Variants in SLC25A16 observed in about 807,000 individuals in gnomAD.
The protein encoded by SLC25A16 is solute carrier family 25 member 16.
A neutral mutation model predicts 41.5 loss-of-function variants in SLC25A16; 39 were observed. The observed-to-expected ratio is 0.94, with a 90% CI of 0.73 to 1.23. The LOEUF is 1.23. Ranked by LOEUF, SLC25A16 falls within the 50% of genes most tolerant of loss-of-function variation. SLC25A16 has a pLI of 0.00. For synonymous variants in SLC25A16, 146 were observed against 147.8 expected, an observed-to-expected ratio of 0.99 and a Z score of 0.09; for missense variants, 421 against 426.9, an observed-to-expected ratio of 0.99 and a Z score of 0.12.
chr10:68,509,943 G>A (rs1359156277), intron 2 of SLC25A16, among the ~76,000 whole-genome samples: 1 of 151,618 alleles, frequency 6.6e-6, no homozygotes, highest in Non-Finnish European at 1.5e-5. Context: ...CCAGCATGGT[G>A]GCACATGCCC....
rs778016486 is a variant in SLC25A16, at chr10:68,506,639, A to C, written c.303T>G (p.Ile101Met). The change falls in exon 3 of 9, where the codon ATT becomes ATG. Residue 101 changes from isoleucine to methionine, a missense_variant. Coordinates refer to ENST00000609923, the MANE Select transcript of SLC25A16 (RefSeq NM_152707.4). ...GGATTGCACCATAGGGAAAGATTCG[A>C]ATCATCATTGCACCATTTCCTTTAT... ...GLYKGNGAMM[I>M]RIFPYGAIQF... is the part of the protein sequence containing the mutation. 2 of 1,605,246 alleles carry C rather than the reference A, an allele frequency of 1.2e-6. No homozygotes were observed. The highest frequency in any genetic ancestry group is 1.7e-6 in the Non-Finnish European group (2 of 1,175,186).
chr10:68,526,179 T>A (rs541978280), intron 1 of SLC25A16, among the ~76,000 whole-genome samples: 1 of 151,330 alleles, frequency 6.6e-6, no homozygotes, highest in African/African-American at 2.4e-5. Flanking sequence ...TGCCTGTCCC[T>A]GGGCAATGGA....
At chr10:68,517,257 C>T (rs2053175665) in intron 1 of SLC25A16, 2 of 987,356 alleles carry the variant, frequency 2.0e-6, no homozygotes, top group Non-Finnish European at 2.4e-6. Context: ...GAAGTAAACT[C>T]CTCTTCTTCT....
intron 1 of SLC25A16, among the ~76,000 whole-genome samples, chr10:68,521,979 A>C (rs537272992): frequency 2.7e-4 from 41 of 151,522 alleles, no homozygotes; most frequent in African/African-American, 9.2e-4. Context: ...TGGCCAACAT[A>C]GTGAAACCCG....
intron 1 of SLC25A16, among the ~76,000 whole-genome samples, chr10:68,525,498 G>C (rs1399515501): frequency 6.6e-6 from 1 of 152,106 alleles, no homozygotes; most frequent in Non-Finnish European, 1.5e-5. Flanking sequence ...CTGTAGCTCA[G>C]GCTGGAGGGT....
Position 68,488,558 on chromosome 10 carries a change from G to T in SLC25A16, c.682C>A (p.Pro228Thr), listed in dbSNP as rs750654199. 2 of 1,603,360 alleles carry T rather than the reference G, an allele frequency of 1.2e-6. No homozygotes were observed. The highest frequency in any genetic ancestry group is 1.8e-5 in the Admixed American group (1 of 56,238). ...AAGACATTAGGATTGTCTGATGAAG[G>T]TCTGCCAAGAAGGGTAGGAGCATGG... ...LSHAPTLLGRPSSDNPNVLVL... is the reference protein window; with the variant it reads ...LSHAPTLLGRTSSDNPNVLVL... The change falls in exon 7 of 9, where the codon CCT becomes ACT. Residue 228 changes from proline to threonine, a missense_variant. Physicochemically the swap from Pro to Thr is conservative, Grantham distance 38 (BLOSUM62 -1). Transcript: ENST00000609923.
intron 1 of SLC25A16, among the ~76,000 whole-genome samples, chr10:68,519,243 C>A (rs2053211766): frequency 6.6e-6 from 1 of 151,880 alleles, no homozygotes. Flanking sequence ...AATCCCAGCA[C>A]TTTGGGAGGC....
chr10:68,480,521 G>A lies in SLC25A16; in HGVS notation c.*2911C>T, dbSNP rs1440115598. On this transcript the variant is annotated 3_prime_UTR_variant, in exon 9 of 9. Coordinates refer to ENST00000609923, the MANE Select transcript of SLC25A16 (RefSeq NM_152707.4). ...TTTTTTTTTTTTTTTTTTTGAGATG[G>A]AGTCTTGCTCTGTCGCCCAGGTTAG... is the stretch of plus-strand genomic sequence containing the variant. 3.9e-4 allele frequency: 51 copies of A among 130,036 alleles called. No homozygotes were observed. Among genetic ancestry groups the A allele is most frequent in the African/African-American group, 1.5e-3 (51 of 33,034 alleles). 8.1% of individuals were successfully genotyped at this position (130,036 alleles called of 1,614,324 possible). A position where few individuals can be genotyped will look rare whatever the true frequency, so the allele number is the denominator to read the frequency against.
In SLC25A16 at chr10:68,518,020, A is replaced by G. The variant is rs560411563; in HGVS notation, c.131-1177T>C. 4 of 152,284 alleles carry G rather than the reference A, an allele frequency of 2.6e-5. No individual in the cohort carries two copies. In the South Asian group the frequency reaches 8.3e-4, roughly 32 times the overall value. 9.4% of individuals were successfully genotyped at this position (152,284 alleles called of 1,614,324 possible). A position where few individuals can be genotyped will look rare whatever the true frequency, so the allele number is the denominator to read the frequency against. ...CATGGTGGTGTGCCTCAGTACTCAG[A>G]GACTAAGGCTGGAGGATGACGTGAG... is the stretch of plus-strand genomic sequence containing the variant. On this transcript the variant is annotated intron_variant, in intron 1 of 8. Transcript: ENST00000609923.
At position 68,527,481 on chromosome 10, in the gene SLC25A16, G is replaced by C. The variant is rs1039199014; in HGVS notation, c.-106C>G. ...AGGAGGCTGACCGCCCCGCCGGCGG[G>C]GCAAAGTAACACCCGGCGGCGCGGC... is the stretch of plus-strand genomic sequence containing the variant. On this transcript the variant is annotated 5_prime_UTR_variant, in exon 1 of 9. Transcript: ENST00000609923. 5.1e-6 allele frequency: 6 copies of C among 1,180,898 alleles called. No homozygotes were observed. The highest frequency in any genetic ancestry group is 6.7e-6 in the Non-Finnish European group (6 of 889,422). The allele number at this position is 1,180,898 out of a possible 1,614,324, so 73.2% of individuals were successfully genotyped here.
intron 2 of SLC25A16, among the ~76,000 whole-genome samples, chr10:68,513,157 G>T (rs181794600): frequency 2.5e-4 from 38 of 151,634 alleles, no homozygotes; most frequent in African/African-American, 9.0e-4. Flanking sequence ...ACCAGCCTAG[G>T]GAACAAGTGA....
At chr10:68,525,640 T>C (rs2053324981) in intron 1 of SLC25A16, among the ~76,000 whole-genome samples, 1 of 152,102 alleles carries the variant, frequency 6.6e-6, no homozygotes, top group South Asian at 2.1e-4. Context: ...TTTTTAAATT[T>C]TTGAATCTTA....
At chr10:68,512,890 T>C (rs573253563) in intron 2 of SLC25A16, among the ~76,000 whole-genome samples, 3 of 151,388 alleles carry the variant, frequency 2.0e-5, no homozygotes, top group Admixed American at 2.0e-4. Flanking sequence ...ATACAAAAAA[T>C]TAGCTGGGCG....
At chr10:68,507,407 G>C (rs1185447392) in intron 2 of SLC25A16, among the ~76,000 whole-genome samples, 2 of 152,024 alleles carry the variant, frequency 1.3e-5, no homozygotes, top group Non-Finnish European at 2.9e-5. Flanking sequence ...AAGGATGAAG[G>C]AAGGTTTCAG....
Position 68,493,572 on chromosome 10 carries a change from T to C in SLC25A16, c.422-2A>G. On this transcript the variant is annotated splice_acceptor_variant, in intron 4 of 8. Coordinates refer to ENST00000609923, the MANE Select transcript of SLC25A16 (RefSeq NM_152707.4). LOFTEE classifies it high-confidence loss of function. Reference sequence around the variant, plus strand: ...AAGTACAGATAACTGCTGTCATACCTGAAAAGAAAGTAGAAATTTAGAGGT... The same window carrying C: ...AAGTACAGATAACTGCTGTCATACCCGAAAAGAAAGTAGAAATTTAGAGGT... The C allele has an allele frequency of 6.2e-7, 1 of 1,610,732 alleles. No homozygotes were observed. The highest frequency in any genetic ancestry group is 8.5e-7 in the Non-Finnish European group (1 of 1,177,440).
intron 1 of SLC25A16, among the ~76,000 whole-genome samples, chr10:68,525,810 C>T (rs2053328221): frequency 6.6e-6 from 1 of 152,126 alleles, no homozygotes; most frequent in Non-Finnish European, 1.5e-5. Flanking sequence ...TACCCCCAAC[C>T]CCGTGCTCTC....
intron 8 of SLC25A16, among the ~76,000 whole-genome samples, chr10:68,485,538 C>A (rs1200143882): frequency 6.6e-6 from 1 of 151,834 alleles, no homozygotes; most frequent in Non-Finnish European, 1.5e-5. Flanking sequence ...CACCTGCCAC[C>A]AGCCCAGCTA....
chr10:68,504,684 TTTG>T (rs2052922336), intron 3 of SLC25A16, among the ~76,000 whole-genome samples: 1 of 147,574 alleles, frequency 6.8e-6, no homozygotes, highest in African/African-American at 2.6e-5. Context: ...GGCCTTGTTT[TTTG>T]TTTTTTGTTT....
intron 2 of SLC25A16, among the ~76,000 whole-genome samples, chr10:68,515,527 G>A (rs1279065778): frequency 2.6e-5 from 4 of 151,952 alleles, no homozygotes; most frequent in African/African-American, 7.3e-5. Context: ...GGCCAGGCTC[G>A]GTGGCTCACG....
Sources: gnomAD v4.1 joint callset for allele counts (sites outside exome capture counted in the v4.1 genomes callset) on GRCh38, gnomAD v4.1.1 for gene constraint, MANE v1.5 for transcripts, NCBI Gene and HGNC (gene_info 2026-07-23, HGNC 2026-07-21) for gene names.